Variants in ARHGAP32 observed in about 807,000 individuals in gnomAD.
ARHGAP32 encodes rho GTPase-activating protein 32.
Under a neutral mutation model 186.5 loss-of-function variants are expected in ARHGAP32, and 51 were observed. That is an observed-to-expected ratio of 0.27 (90% CI 0.22 to 0.35). The LOEUF is 0.35. Ranked by LOEUF, ARHGAP32 falls within the 10% of genes least tolerant of loss-of-function variation. The pLI is 1.00. For missense variants in ARHGAP32, 2,186 were observed against 2,623.5 expected, an observed-to-expected ratio of 0.83 and a Z score of 3.64; for synonymous variants, 950 against 964.3, an observed-to-expected ratio of 0.99 and a Z score of 0.27.
chr11:129,082,942 G>A (rs1368902340), intron 6 of ARHGAP32, among the ~76,000 whole-genome samples: 1 of 151,902 alleles, frequency 6.6e-6, no homozygotes, highest in Non-Finnish European at 1.5e-5. Context: ...TGTGCTAGGG[G>A]TATAAACAGT....
At position 129,117,601 on chromosome 11, in the gene ARHGAP32, T is replaced by C. The variant is rs182094376; in HGVS notation, c.444+5845A>G. 7.2e-5 allele frequency among the ~76,000 whole-genome samples: 11 copies of C among 152,050 alleles called. No individual in the cohort carries two copies. In the East Asian group the frequency reaches 1.9e-3, roughly 27 times the overall value. ...ATATAGAAAGCTCGAGACACAGATA[T>C]TAAATTCATACTTTTCCTATTCCTT... On this transcript the variant is annotated intron_variant, in intron 5 of 22. Coordinates refer to ENST00000682385, the MANE Select transcript of ARHGAP32 (RefSeq NM_001378024.1).
chr11:129,086,094 A>G (rs1591600840), intron 6 of ARHGAP32, among the ~76,000 whole-genome samples: 3 of 152,278 alleles, frequency 2.0e-5, no homozygotes, highest in Admixed American at 2.0e-4. Context: ...CAAATTGATC[A>G]ATGGAGCAGA....
intron 1 of ARHGAP32, among the ~76,000 whole-genome samples, chr11:129,248,158 A>C (rs1405832525): frequency 6.6e-6 from 1 of 151,828 alleles, no homozygotes; most frequent in Non-Finnish European, 1.5e-5. Context: ...TAAAAATACA[A>C]AAATTAGCAA....
intron 1 of ARHGAP32, among the ~76,000 whole-genome samples, chr11:129,278,574 G>A (rs892311905): frequency 2.0e-5 from 3 of 152,136 alleles, no homozygotes; most frequent in Non-Finnish European, 4.4e-5. Flanking sequence ...GCGAGGAAGC[G>A]AGGGGGAAAA....
intron 7 of ARHGAP32, among the ~76,000 whole-genome samples, chr11:129,065,508 T>G (rs1003764516): frequency 6.6e-6 from 1 of 152,038 alleles, no homozygotes; most frequent in Non-Finnish European, 1.5e-5. Context: ...CTCTTGGTAG[T>G]GGCCATGTTT....
chr11:128,987,722 T>C (rs1345627603), intron 13 of ARHGAP32, among the ~76,000 whole-genome samples: 1 of 152,164 alleles, frequency 6.6e-6, no homozygotes, highest in Non-Finnish European at 1.5e-5. Flanking sequence ...AATTTTATTA[T>C]AATGCAAATT....
chr11:129,036,668 G>GA (rs1181733150), intron 11 of ARHGAP32, among the ~76,000 whole-genome samples: 2 of 152,042 alleles, frequency 1.3e-5, no homozygotes, highest in African/African-American at 4.8e-5. Context: ...AAAGCCTTTG[G>GA]AAAAATTCCT....
At chr11:128,984,654 T>C (rs1021490534) in intron 15 of ARHGAP32, among the ~76,000 whole-genome samples, 2 of 152,070 alleles carry the variant, frequency 1.3e-5, no homozygotes, top group African/African-American at 2.4e-5. Flanking sequence ...GCAGGAGATA[T>C]ACATGTACAT....
chr11:129,191,384 T>C lies in ARHGAP32; in HGVS notation c.116+699A>G, dbSNP rs572395523. ...ATTTGCAACAGTACAACAGAATGAA[T>C]GAAACATTGGTTCTGTTTTCACAAA... On this transcript the variant is annotated intron_variant, in intron 1 of 22. Transcript: ENST00000682385. 3.2e-4 allele frequency among the ~76,000 whole-genome samples: 49 copies of C among 152,106 alleles called. No individual in the cohort carries two copies. In the Middle Eastern group the frequency reaches 0.01, roughly 32 times the overall value.
intron 6 of ARHGAP32, among the ~76,000 whole-genome samples, chr11:129,091,466 T>C (rs1003245681): frequency 1.3e-5 from 2 of 152,060 alleles, no homozygotes; most frequent in African/African-American, 4.8e-5. Context: ...TCACTTAACT[T>C]ACAGAAAGAA....
At chr11:128,975,267 G>C (rs1426810214) in intron 20 of ARHGAP32, among the ~76,000 whole-genome samples, 1 of 152,308 alleles carries the variant, frequency 6.6e-6, no homozygotes, top group South Asian at 2.1e-4. Context: ...AAAGAACTCA[G>C]AATGCTTGGA....
At chr11:129,024,623 T>C (rs1432143993) in intron 11 of ARHGAP32, among the ~76,000 whole-genome samples, 1 of 152,204 alleles carries the variant, frequency 6.6e-6, no homozygotes, top group Non-Finnish European at 1.5e-5. Flanking sequence ...GACAATCTCT[T>C]ATGCAATTAT....
At chr11:129,035,067 C>T (rs375279053) in intron 11 of ARHGAP32, among the ~76,000 whole-genome samples, 3 of 152,278 alleles carry the variant, frequency 2.0e-5, no homozygotes, top group East Asian at 1.9e-4. Context: ...GCTTCCCCTT[C>T]CACCTTTCCC....
chr11:129,234,949 T>C (rs1392751858), intron 1 of ARHGAP32, among the ~76,000 whole-genome samples: 1 of 152,152 alleles, frequency 6.6e-6, no homozygotes, highest in Non-Finnish European at 1.5e-5. Flanking sequence ...CCAAAAAATA[T>C]ATATCCACAT....
At chr11:129,059,263 G>C (rs1377177845) in intron 10 of ARHGAP32, among the ~76,000 whole-genome samples, 1 of 152,050 alleles carries the variant, frequency 6.6e-6, no homozygotes, top group Non-Finnish European at 1.5e-5. Flanking sequence ...CTCAAAAACT[G>C]TTTTCTCTCC....
At chr11:129,177,199 A>C (rs997217318) in intron 1 of ARHGAP32, among the ~76,000 whole-genome samples, 8 of 152,300 alleles carry the variant, frequency 5.3e-5, no homozygotes, top group Admixed American at 5.2e-4. Flanking sequence ...GAAATGGATA[A>C]ATTCCTTGAC....
rs745732582 is a variant in ARHGAP32 at position 128,981,449 on chromosome 11, C to G, written c.1747G>C (p.Gly583Arg). ...ILNHVDVLFS[G>R]RISMAMQEGA... is the part of the protein sequence containing the mutation. ...TCTTGCATGGCCATGCTGATTCTGC[C>G]GCTGAACAGCACATCAACGTGATTC... Residue 583 changes from glycine to arginine, a missense_variant, in exon 17 of 23, where the codon GGC (glycine) becomes CGC (arginine). Physicochemically the swap from Gly to Arg is moderately radical, Grantham distance 125. Coordinates refer to ENST00000682385, the MANE Select transcript of ARHGAP32 (RefSeq NM_001378024.1). 1 of 1,612,272 alleles carries G rather than the reference C, an allele frequency of 6.2e-7. No homozygotes were observed. Among genetic ancestry groups the G allele is most frequent in the East Asian group, 2.2e-5 (1 of 44,838 alleles).
intron 11 of ARHGAP32, among the ~76,000 whole-genome samples, chr11:128,999,939 G>A (rs1357592106): frequency 6.6e-6 from 1 of 152,074 alleles, no homozygotes; most frequent in Admixed American, 6.6e-5. Flanking sequence ...GACTTAAAAT[G>A]GTGTAAAAGC....
intron 6 of ARHGAP32, among the ~76,000 whole-genome samples, chr11:129,081,334 C>A (rs182381436): frequency 1.1e-4 from 16 of 152,050 alleles, no homozygotes; most frequent in Admixed American, 6.5e-5. Context: ...AGACCAATAT[C>A]CCTGAAGAAC....
Sources: gnomAD v4.1 joint callset for allele counts (sites outside exome capture counted in the v4.1 genomes callset) on GRCh38, gnomAD v4.1.1 for gene constraint, MANE v1.5 for transcripts, NCBI Gene and HGNC (gene_info 2026-07-23, HGNC 2026-07-21) for gene names.